The following MGMT variants were observed in gnomAD, a reference collection of about 807,000 sequenced individuals.
The protein encoded by MGMT is O-6-methylguanine-DNA methyltransferase.
Under a neutral mutation model 15.9 loss-of-function variants are expected in MGMT, and 14 were observed. That is an observed-to-expected ratio of 0.88 (90% CI 0.58 to 1.37). The LOEUF is 1.37. MGMT is among the 40% of genes most tolerant of loss of function. The probability of loss-of-function intolerance (pLI) is 0.00; values close to 1 mark genes in which losing one functional copy is unlikely to be tolerated. For synonymous variants in MGMT, 130 were observed against 118.2 expected (o/e 1.10, Z -0.65); for missense variants, 282 against 268.1 (o/e 1.05, Z -0.36).
At chr10:129,681,384 C>T (rs1321160027) in intron 2 of MGMT, among the ~76,000 whole-genome samples, 4 of 152,172 alleles carry the variant, frequency 2.6e-5, no homozygotes, top group Non-Finnish European at 5.9e-5. Flanking sequence ...CCTGTGGGGA[C>T]GCCCATGGTC....
rs572718470 is a variant in MGMT, at chr10:129,662,696, A to C, written c.126-45199A>C. Among the ~76,000 whole-genome samples, 13 of 152,192 alleles carry C rather than the reference A, an allele frequency of 8.5e-5. No homozygotes were observed. In the South Asian group the frequency reaches 2.7e-3, roughly 32 times the overall value. On this transcript the variant is annotated intron_variant, in intron 2 of 4. Transcript: ENST00000651593. ...CACATGTGAGCAGCACATGTGAAAC[A>C]CAGTGATTCACAAGGGAAGGGCAAA... is the stretch of plus-strand genomic sequence containing the variant.
chr10:129,679,042 C>T (rs1222482221), intron 2 of MGMT, among the ~76,000 whole-genome samples: 1 of 149,668 alleles, frequency 6.7e-6, no homozygotes, highest in Admixed American at 6.7e-5. Context: ...CATTGCTCTC[C>T]AGCCTGGATG....
At position 129,565,800 on chromosome 10, in the gene MGMT, G is replaced by A. The variant is rs181121829; in HGVS notation, c.125+29423G>A. The stretch of plus-strand genomic sequence containing the variant: ...TGAGATCCTGGTGATCTTGATGATC[G>A]AGGGTTATTTGAAGCAGTTCATTTT... On this transcript the variant is annotated intron_variant, in intron 2 of 4. Transcript: ENST00000651593. Among the ~76,000 whole-genome samples the A allele has an allele frequency of 1.3e-3, 199 of 152,278 alleles. 4 individuals carry two copies. In the South Asian group the frequency reaches 0.018, roughly 14 times the overall value.
intron 2 of MGMT, among the ~76,000 whole-genome samples, chr10:129,695,890 G>A (rs992665135): frequency 5.3e-5 from 8 of 152,116 alleles, no homozygotes; most frequent in Non-Finnish European, 1.2e-4. Context: ...TTGCTCTTCC[G>A]GTGGATGGGG....
chr10:129,549,507 T>C (rs908631568), intron 2 of MGMT, among the ~76,000 whole-genome samples: 1 of 152,214 alleles, frequency 6.6e-6, no homozygotes, highest in African/African-American at 2.4e-5. Context: ...ATGTTCCTAA[T>C]GTGGGGTCCC....
chr10:129,724,593 T>G (rs1434409528), intron 3 of MGMT, among the ~76,000 whole-genome samples: 1 of 152,162 alleles, frequency 6.6e-6, no homozygotes, highest in Non-Finnish European at 1.5e-5. Flanking sequence ...GAACTCTTAA[T>G]GGTATATGTG....
chr10:129,628,413 A>G (rs1195084096), intron 2 of MGMT, among the ~76,000 whole-genome samples: 2 of 152,162 alleles, frequency 1.3e-5, no homozygotes, highest in Non-Finnish European at 2.9e-5. Flanking sequence ...TGTGGAAGGT[A>G]GGGCTGGTGG....
intron 2 of MGMT, among the ~76,000 whole-genome samples, chr10:129,672,028 A>G (rs932739041): frequency 6.6e-6 from 1 of 152,268 alleles, no homozygotes. Flanking sequence ...AGAAATGCAC[A>G]TCTACATGAA....
chr10:129,703,172 T>A (rs1219760102), intron 2 of MGMT, among the ~76,000 whole-genome samples: 2 of 151,854 alleles, frequency 1.3e-5, no homozygotes, highest in African/African-American at 4.8e-5. Flanking sequence ...AGAGAAAGAG[T>A]TAAAAAGGAG....
chr10:129,539,013 A>G (rs1431976742), intron 2 of MGMT, among the ~76,000 whole-genome samples: 1 of 152,192 alleles, frequency 6.6e-6, no homozygotes, highest in Admixed American at 6.5e-5. Context: ...TGGATGTAAG[A>G]CTTTTGTCAG....
In MGMT at chr10:129,553,818, T is replaced by G. The variant is rs140986287; in HGVS notation, c.125+17441T>G. On this transcript the variant is annotated intron_variant, in intron 2 of 4. Transcript: ENST00000651593. The stretch of plus-strand genomic sequence containing the variant: ...TGCCTGCCCCAAACGTGGCCTCCAT[T>G]CCTTCTTTCTGTCTCCCGCTGGAAA... Among the ~76,000 whole-genome samples the G allele has an allele frequency of 3.7e-3, 561 of 152,284 alleles. 2 individuals are homozygous for G. The highest frequency in any genetic ancestry group is 0.013 in the African/African-American group (539 of 41,568).
rs116644259 is a variant in MGMT at position 129,607,360 on chromosome 10, A to G, written c.125+70983A>G. 2.6e-3 allele frequency among the ~76,000 whole-genome samples: 400 copies of G among 152,324 alleles called. 2 individuals are homozygous for G. Among genetic ancestry groups the G allele is most frequent in the African/African-American group, 9.1e-3 (379 of 41,560 alleles). On this transcript the variant is annotated intron_variant, in intron 2 of 4. Coordinates refer to ENST00000651593, the MANE Select transcript of MGMT (RefSeq NM_002412.5). ...AAGGGCTGAAGTTCCTTTCTACCTA[A>G]GTACCATTGAAGAAGTATGTTCCTG...
chr10:129,741,326 A>G (rs1180247171), intron 3 of MGMT, among the ~76,000 whole-genome samples: 1 of 152,148 alleles, frequency 6.6e-6, no homozygotes, highest in Non-Finnish European at 1.5e-5. Flanking sequence ...ACTCTCCCTA[A>G]AAGGTTACAT....
At chr10:129,633,610 C>G (rs1280600033) in intron 2 of MGMT, among the ~76,000 whole-genome samples, 2 of 152,044 alleles carry the variant, frequency 1.3e-5, no homozygotes, top group African/African-American at 4.8e-5. Context: ...AAAATTTAAG[C>G]AATACAGGAA....
At chr10:129,489,755 G>T (rs1485790695) in intron 1 of MGMT, among the ~76,000 whole-genome samples, 1 of 151,910 alleles carries the variant, frequency 6.6e-6, no homozygotes, top group Non-Finnish European at 1.5e-5. Flanking sequence ...CTTTTTCTAG[G>T]ATTAGATTTT....
intron 3 of MGMT, among the ~76,000 whole-genome samples, chr10:129,723,273 T>C (rs1848394334): frequency 6.6e-6 from 1 of 152,082 alleles, no homozygotes; most frequent in Non-Finnish European, 1.5e-5. Flanking sequence ...CTCACCCACT[T>C]CCCAACCATT....
At chr10:129,631,561 G>A (rs867109775) in intron 2 of MGMT, among the ~76,000 whole-genome samples, 9 of 152,186 alleles carry the variant, frequency 5.9e-5, no homozygotes, top group Admixed American at 3.3e-4. Context: ...GGTGGCTCAC[G>A]CCGGTAATCC....
intron 2 of MGMT, among the ~76,000 whole-genome samples, chr10:129,691,521 AGGACAGGTTCCTTGG>A (rs1564762836): frequency 6.6e-6 from 1 of 152,196 alleles, no homozygotes; most frequent in African/African-American, 2.4e-5. Flanking sequence ...AGCCTTCAAG[AGGACAGGTTCCTTGG>A]GGCTGTGGGT....
rs565605974 is a variant in MGMT at position 129,589,670 on chromosome 10, C to T, written c.125+53293C>T. On this transcript the variant is annotated intron_variant, in intron 2 of 4. Transcript: ENST00000651593. ...AATAGTGACCCCCTATGGCCTGCGGCGGGGCTGCTTAACGCTCACATGGGT... is the reference window on the plus strand; with the variant it reads ...AATAGTGACCCCCTATGGCCTGCGGTGGGGCTGCTTAACGCTCACATGGGT... 3.9e-5 allele frequency among the ~76,000 whole-genome samples: 6 copies of T among 152,334 alleles called. No homozygotes were observed. The Middle Eastern group carries it at 0.01, about 259-fold the overall frequency.
Sources: gnomAD v4.1 joint callset for allele counts (sites outside exome capture counted in the v4.1 genomes callset) on GRCh38, gnomAD v4.1.1 for gene constraint, MANE v1.5 for transcripts, NCBI Gene and HGNC (gene_info 2026-07-23, HGNC 2026-07-21) for gene names.